Variants in GATB observed in about 807,000 individuals in gnomAD.
The protein encoded by GATB is glutamyl-tRNA(Gln) amidotransferase subunit B, mitochondrial.
Under a neutral mutation model 62.3 loss-of-function variants are expected in GATB, and 39 were observed. The observed-to-expected ratio is 0.63, with a 90% CI of 0.48 to 0.82. The LOEUF (loss-of-function observed/expected upper bound fraction) is 0.82, where lower values mean the gene tolerates loss of function less well. Among genes scored for constraint, GATB ranks in the 40% least tolerant of loss-of-function variants. The pLI is 0.00. For synonymous variants in GATB, 276 were observed against 258.9 expected, an observed-to-expected ratio of 1.07 and a Z score of -0.63; for missense variants, 670 against 684.0, an observed-to-expected ratio of 0.98 and a Z score of 0.23.
At chr4:151,749,760 G>A (rs116833905) in intron 2 of GATB, among the ~76,000 whole-genome samples, 1,887 of 152,190 alleles carry the variant, frequency 0.012, 38 homozygotes, top group African/African-American at 0.043. Context: ...TCTTCCCCTC[G>A]GGTTACAGTA....
chr4:151,708,719 C>T (rs1264081698), intron 5 of GATB, among the ~76,000 whole-genome samples: 1 of 152,194 alleles, frequency 6.6e-6, no homozygotes, highest in African/African-American at 2.4e-5. Context: ...ACTGCTCTAA[C>T]GATTTGCTAC....
Position 151,692,142 on chromosome 4 carries a change from C to A in GATB, c.1198-3379G>T, listed in dbSNP as rs768425722. Among the ~76,000 whole-genome samples, 2 of 152,196 alleles carry A rather than the reference C, an allele frequency of 1.3e-5. 1 individual carries two copies. Among genetic ancestry groups the A allele is most frequent in the Non-Finnish European group, 2.9e-5 (2 of 68,040 alleles). On this transcript the variant is annotated intron_variant, in intron 9 of 12. Transcript: ENST00000263985. ...TCCACATTACCTCAATTCATCCCAA[C>A]AACAACTCTCTGAGCTCAGCGCTCT...
At chr4:151,708,765 T>C (rs948595563) in intron 5 of GATB, among the ~76,000 whole-genome samples, 1 of 152,214 alleles carries the variant, frequency 6.6e-6, no homozygotes, top group Non-Finnish European at 1.5e-5. Context: ...GTCAGGAGTC[T>C]GTGGTGGGAC....
chr4:151,736,438 C>G (rs1216240578), intron 2 of GATB, among the ~76,000 whole-genome samples: 2 of 152,132 alleles, frequency 1.3e-5, no homozygotes, highest in African/African-American at 4.8e-5. Context: ...ATTCTGTTGC[C>G]TCACTATGTA....
At chr4:151,728,880 T>C (rs12645029) in intron 2 of GATB, among the ~76,000 whole-genome samples, 35,326 of 152,186 alleles carry the variant, frequency 0.23, 5,028 homozygotes, top group Non-Finnish European at 0.33. Flanking sequence ...TGCAGCTAAG[T>C]ATTCACTATT....
At chr4:151,732,198 G>T (rs2126987184) in intron 2 of GATB, among the ~76,000 whole-genome samples, 1 of 152,222 alleles carries the variant, frequency 6.6e-6, no homozygotes, top group South Asian at 2.1e-4. Context: ...CCTCTGCCTG[G>T]CCACCACCCC....
intron 2 of GATB, among the ~76,000 whole-genome samples, chr4:151,742,722 C>A (rs115720200): frequency 0.013 from 1,928 of 152,200 alleles, 37 homozygotes; most frequent in African/African-American, 0.044. Flanking sequence ...AAAGCCAATG[C>A]AAAAGTGCTT....
intron 11 of GATB, 65 bp downstream of exon 11, chr4:151,679,748 G>A: frequency 7.7e-7 from 1 of 1,293,300 alleles, no homozygotes; most frequent in East Asian, 2.3e-5. Flanking sequence ...ATGGCATTTG[G>A]GTGTCACAGA....
chr4:151,680,792 CTAATCCGAAAGTCTGA>C (rs1444187798), intron 10 of GATB, among the ~76,000 whole-genome samples: 1 of 152,176 alleles, frequency 6.6e-6, no homozygotes, highest in Non-Finnish European at 1.5e-5. Flanking sequence ...TTTAGCATCC[CTAATCCGAAAGTCTGA>C]AATCTGAAAT....
At chr4:151,700,442 C>T (rs1458704479) in intron 9 of GATB, among the ~76,000 whole-genome samples, 3 of 152,088 alleles carry the variant, frequency 2.0e-5, no homozygotes, top group Non-Finnish European at 4.4e-5. Flanking sequence ...TGACTGCCTA[C>T]GTTGTACTGT....
At chr4:151,722,374 C>T (rs1442277338) in intron 2 of GATB, 1 of 584,066 alleles carries the variant, frequency 1.7e-6, no homozygotes, top group East Asian at 2.9e-5. Context: ...CTAGGGTGAT[C>T]CTGCTAAAAT....
At chr4:151,734,534 A>G (rs888016535) in intron 2 of GATB, among the ~76,000 whole-genome samples, 1 of 152,310 alleles carries the variant, frequency 6.6e-6, no homozygotes, top group East Asian at 1.9e-4. Context: ...AGCAATCTAA[A>G]AAGTCAACAC....
Position 151,708,001 on chromosome 4 carries a change from C to T in GATB, c.864G>A (p.Leu288=), listed in dbSNP as rs749488354. The T allele has an allele frequency of 3.3e-5, 54 of 1,612,392 alleles. No individual in the cohort carries two copies. The South Asian group carries it at 5.2e-4, about 15-fold the overall frequency. ...GCTGGCATTCACCTATGGCTTTGGC[C>T]AGGAACCTGATGCTGTTGAGATTCT... The part of the protein sequence containing the change: ...EVKNLNSIRF[L]AKAIDYEIQR... The change falls in exon 6 of 13, where the codon CTG becomes CTA. Residue 288 remains leucine, a synonymous_variant. Coordinates refer to ENST00000263985, the MANE Select transcript of GATB (RefSeq NM_004564.3).
intron 3 of GATB, 26 bp downstream of exon 3, chr4:151,719,399 T>C (rs201093595): frequency 6.2e-4 from 945 of 1,521,836 alleles, no homozygotes; most frequent in Non-Finnish European, 8.0e-4. Context: ...GAACTTGCAG[T>C]GGGGTGGATC....
At chr4:151,741,328 T>C (rs1196356305) in intron 2 of GATB, among the ~76,000 whole-genome samples, 1 of 152,240 alleles carries the variant, frequency 6.6e-6, no homozygotes, top group African/African-American at 2.4e-5. Flanking sequence ...GGGAGTACTA[T>C]TGTATTACAG....
At chr4:151,732,346 C>T (rs972052646) in intron 2 of GATB, among the ~76,000 whole-genome samples, 3 of 152,226 alleles carry the variant, frequency 2.0e-5, no homozygotes, top group East Asian at 1.9e-4. Context: ...AAGAAGTAGA[C>T]ATAGGAGACT....
intron 2 of GATB, among the ~76,000 whole-genome samples, chr4:151,750,451 A>G (rs1253433720): frequency 6.6e-6 from 1 of 152,126 alleles, no homozygotes; most frequent in Non-Finnish European, 1.5e-5. Flanking sequence ...TCTGGAAAAA[A>G]GATAGATTTG....
intron 8 of GATB, 176 bp downstream of exon 8, chr4:151,703,675 A>G: frequency 3.2e-6 from 2 of 623,792 alleles, no homozygotes; most frequent in South Asian, 3.9e-5. Flanking sequence ...TCAAGAAACT[A>G]GTACTTCTCT....
intron 9 of GATB, among the ~76,000 whole-genome samples, chr4:151,698,399 C>T (rs1317871514): frequency 6.6e-6 from 1 of 152,098 alleles, no homozygotes; most frequent in Non-Finnish European, 1.5e-5. Flanking sequence ...TGGGGGTGGG[C>T]ATGTGCATAA....
Sources: gnomAD v4.1 joint callset for allele counts (sites outside exome capture counted in the v4.1 genomes callset) on GRCh38, gnomAD v4.1.1 for gene constraint, MANE v1.5 for transcripts, NCBI Gene and HGNC (gene_info 2026-07-23, HGNC 2026-07-21) for gene names.